TTC17: variants seen among roughly 807,000 people sequenced by gnomAD.
TTC17 encodes tetratricopeptide repeat protein 17.
Under a neutral mutation model 143.8 loss-of-function variants are expected in TTC17, and 58 were observed. That is an observed-to-expected ratio of 0.40 (90% CI 0.33 to 0.50). TTC17 has a LOEUF of 0.50. Ranked by LOEUF, TTC17 falls within the 20% of genes least tolerant of loss-of-function variation. The pLI, the probability that TTC17 is intolerant of heterozygous loss-of-function variation, is 0.49. For synonymous variants in TTC17, 501 were observed against 497.8 expected, an observed-to-expected ratio of 1.01 and a Z score of -0.09; for missense variants, 1,273 against 1,392.5, an observed-to-expected ratio of 0.91 and a Z score of 1.37.
At chr11:43,424,494 C>T (rs975786739) in intron 16 of TTC17, among the ~76,000 whole-genome samples, 1 of 152,084 alleles carries the variant, frequency 6.6e-6, no homozygotes. Flanking sequence ...GGTGGCTGGG[C>T]ATGGTGGCTT....
chr11:43,405,751 GA>G (rs745887793), intron 12 of TTC17, 34 bp from the exon 13 acceptor site: 51 of 1,612,212 alleles, frequency 3.2e-5, no homozygotes, highest in Middle Eastern at 3.3e-4. Context: ...CCCAAACTTT[GA>G]AAATATGAAT....
chr11:43,364,549 C>A (rs946146666), intron 1 of TTC17, among the ~76,000 whole-genome samples: 1 of 152,166 alleles, frequency 6.6e-6, no homozygotes, highest in Non-Finnish European at 1.5e-5. Context: ...TTAGTTACAC[C>A]TGGAGAGGTC....
intron 1 of TTC17, among the ~76,000 whole-genome samples, chr11:43,371,030 G>C (rs1261743288): frequency 6.6e-6 from 1 of 151,550 alleles, no homozygotes; most frequent in Admixed American, 6.6e-5. Flanking sequence ...AGGTGGGGGG[G>C]GGGGTCTTGA....
At chr11:43,479,261 C>T (rs900517074) in intron 21 of TTC17, among the ~76,000 whole-genome samples, 2 of 149,974 alleles carry the variant, frequency 1.3e-5, no homozygotes, top group Admixed American at 1.3e-4. Flanking sequence ...AAAAAAAGTT[C>T]CTTTATTTTT....
chr11:43,433,251 A>G (rs7102655), intron 16 of TTC17, among the ~76,000 whole-genome samples: 87,646 of 152,036 alleles, frequency 0.58, 26,403 homozygotes, highest in African/African-American at 0.73. Context: ...CGCCTTCCTC[A>G]GCCTCCCAAA....
chr11:43,393,197 AC>A (rs1857453853), intron 5 of TTC17, among the ~76,000 whole-genome samples: 1 of 152,164 alleles, frequency 6.6e-6, no homozygotes, highest in South Asian at 2.1e-4. Context: ...CACAGACCCC[AC>A]AGGTCAAGGA....
chr11:43,373,081 ATC>A (rs1265230341), intron 1 of TTC17, among the ~76,000 whole-genome samples: 1 of 152,198 alleles, frequency 6.6e-6, no homozygotes, highest in Non-Finnish European at 1.5e-5. Context: ...AACAGCAGAT[ATC>A]TCTGAAAGTG....
At chr11:43,375,684 A>T (rs115146916) in intron 1 of TTC17, among the ~76,000 whole-genome samples, 2 of 152,128 alleles carry the variant, frequency 1.3e-5, no homozygotes, top group Non-Finnish European at 2.9e-5. Context: ...ATATATGAAG[A>T]ATAAGTTGCA....
intron 1 of TTC17, among the ~76,000 whole-genome samples, chr11:43,372,528 GT>G (rs1387091651): frequency 3.6e-5 from 5 of 138,510 alleles, no homozygotes; most frequent in African/African-American, 7.7e-5. Context: ...TTGAGACAGA[GT>G]TTCACTCTTA....
At position 43,443,501 on chromosome 11, in the gene TTC17, C is replaced by T; in HGVS notation, c.2428C>T (p.Leu810=). ...TCTAGACTTACAAGGAATACGGGTG[C>T]TGAAGAAAGGTCCCCAGGATGGAGT... The part of the protein sequence containing the change: ...RRLDLQGIRV[L]KKGPQDGVAR... The change falls in exon 17 of 24, where the codon CTG becomes TTG. Residue 810 remains leucine, a synonymous_variant. Coordinates refer to ENST00000039989, the MANE Select transcript of TTC17 (RefSeq NM_018259.6). 6.2e-7 allele frequency: 1 copy of T among 1,614,094 alleles called. No individual in the cohort carries two copies. Among genetic ancestry groups the T allele is most frequent in the African/African-American group, 1.3e-5 (1 of 75,042 alleles).
At chr11:43,372,792 A>G (rs951877186) in intron 1 of TTC17, among the ~76,000 whole-genome samples, 2 of 152,054 alleles carry the variant, frequency 1.3e-5, no homozygotes, top group Non-Finnish European at 2.9e-5. Context: ...CGCCCAGCCA[A>G]AAGTTTTAGT....
intron 18 of TTC17, 61 bp downstream of exon 18, chr11:43,444,270 C>G (rs1269501204): frequency 1.3e-6 from 2 of 1,511,098 alleles, no homozygotes; most frequent in Non-Finnish European, 1.8e-6. Context: ...TCATTTCTCA[C>G]AAAGGTTGTA....
chr11:43,481,037 G>C (rs1162836167), intron 21 of TTC17, among the ~76,000 whole-genome samples: 3 of 105,190 alleles, frequency 2.9e-5, no homozygotes, highest in Non-Finnish European at 5.8e-5. Flanking sequence ...AGAAATACCA[G>C]GTACAAACTA....
chr11:43,386,483 G>C (rs886331890), intron 2 of TTC17, among the ~76,000 whole-genome samples: 2 of 152,156 alleles, frequency 1.3e-5, no homozygotes, highest in African/African-American at 4.8e-5. Context: ...GACCACTGCT[G>C]GGGTCCCTTG....
At chr11:43,372,147 T>A (rs575065039) in intron 1 of TTC17, among the ~76,000 whole-genome samples, 2 of 152,310 alleles carry the variant, frequency 1.3e-5, no homozygotes, top group East Asian at 3.9e-4. Context: ...AGGAACTCAG[T>A]CACTGTTGTT....
chr11:43,482,764 G>A lies in TTC17; in HGVS notation c.3031-7475G>A, dbSNP rs535067593. ...CTGGTCTTCTATAAGTTATTGAGAG[G>A]CTAATTCAACTATATTAATAATTAT... On this transcript the variant is annotated intron_variant, in intron 21 of 23. Transcript: ENST00000039989. 3.9e-5 allele frequency among the ~76,000 whole-genome samples: 6 copies of A among 152,012 alleles called. No individual in the cohort carries two copies. In the East Asian group the frequency reaches 1.2e-3, roughly 29 times the overall value.
chr11:43,476,274 C>T (rs567508493), intron 21 of TTC17, among the ~76,000 whole-genome samples: 1 of 152,166 alleles, frequency 6.6e-6, no homozygotes, highest in African/African-American at 2.4e-5. Context: ...CAGGTTGTAT[C>T]AAAAGAATTT....
chr11:43,389,775 G>C lies in TTC17; in HGVS notation c.373G>C (p.Asp125His), dbSNP rs747283670. 6.2e-7 allele frequency: 1 copy of C among 1,613,772 alleles called. No homozygotes were observed. Among genetic ancestry groups the C allele is most frequent in the South Asian group, 1.1e-5 (1 of 90,982 alleles). The change falls in exon 3 of 24, where the codon GAT (aspartate) becomes CAT (histidine). Residue 125 changes from aspartate to histidine, a missense_variant. This residue lies in a region of TTC17 where 325 missense variants were observed against 444.2 expected (regional missense o/e 0.73). Coordinates refer to ENST00000039989, the MANE Select transcript of TTC17 (RefSeq NM_018259.6). ...AGCCAAGGTGCCCTTAGGGGACCTG[G>C]ATCTATATGATGGCACATACATAAC... Reference protein sequence around the residue: ...IKAKVPLGDLDLYDGTYITLE... With the variant: ...IKAKVPLGDLHLYDGTYITLE...
intron 21 of TTC17, among the ~76,000 whole-genome samples, chr11:43,461,623 T>G (rs1231601571): frequency 2.6e-5 from 4 of 152,048 alleles, no homozygotes; most frequent in South Asian, 2.1e-4. Context: ...GATAGAAATA[T>G]GGACTTGGAA....
Sources: gnomAD v4.1 joint callset for allele counts (sites outside exome capture counted in the v4.1 genomes callset) on GRCh38, gnomAD v4.1.1 for gene constraint, gnomAD v4.1.1 regional missense constraint, MANE v1.5 for transcripts, NCBI Gene and HGNC (gene_info 2026-07-23, HGNC 2026-07-21) for gene names.